Variants in COL4A5 observed in about 807,000 individuals in gnomAD.
The protein encoded by COL4A5 is collagen type IV alpha 5 chain.
COL4A5 carries 26 observed loss-of-function variants against 130.2 expected under a neutral mutation model. The observed-to-expected ratio is 0.20, with a 90% CI of 0.15 to 0.28. COL4A5 has a LOEUF of 0.28. COL4A5 is among the 10% of genes least tolerant of loss of function. The pLI is 1.00. For missense variants in COL4A5, 1,131 were observed against 1,344.3 expected (o/e 0.84, Z 2.48); for synonymous variants, 496 against 439.6 (o/e 1.13, Z -1.60).
At chrX:108,462,027 C>T (rs2064659244) in intron 1 of COL4A5, among the ~76,000 whole-genome samples, 1 of 112,176 alleles carries the variant, frequency 8.9e-6, no homozygotes, top group African/African-American at 3.2e-5. Context: ...TAATTATGCT[C>T]TTTTTGGGTA....
At chrX:108,690,784 A>G (rs766599005) in intron 49 of COL4A5, among the ~76,000 whole-genome samples, 8 of 111,599 alleles carry the variant, frequency 7.2e-5, no homozygotes, top group African/African-American at 2.6e-4. Context: ...TAAAGATACA[A>G]TTACCGTTAG....
intron 2 of COL4A5, among the ~76,000 whole-genome samples, chrX:108,546,737 C>G (rs748306806): frequency 1.1e-3 from 118 of 111,877 alleles, no homozygotes; most frequent in African/African-American, 3.3e-3. Context: ...CCATCACTTT[C>G]AGGTACACCA....
At chrX:108,555,092 G>C (rs935824676) in intron 2 of COL4A5, among the ~76,000 whole-genome samples, 2 of 112,032 alleles carry the variant, frequency 1.8e-5, no homozygotes, top group Admixed American at 9.5e-5. Flanking sequence ...TTAACCAGTT[G>C]ACAATGTAAA....
intron 49 of COL4A5, among the ~76,000 whole-genome samples, chrX:108,691,016 T>A (rs755775832): frequency 9.0e-6 from 1 of 111,061 alleles, no homozygotes; most frequent in Non-Finnish European, 1.9e-5. Context: ...TGCAGCAACA[T>A]GGTTGGAACT....
intron 34 of COL4A5, 62 bp downstream of exon 34, chrX:108,624,396 TATGTGTTTGTC>T: frequency 1.2e-6 from 1 of 852,177 alleles, no homozygotes; most frequent in Non-Finnish European, 1.7e-6. Flanking sequence ...GATAAATAAT[TATGTGTTTGTC>T]ATGTTTGAAG....
At chrX:108,512,315 T>A (rs971118460) in intron 1 of COL4A5, among the ~76,000 whole-genome samples, 1 of 111,502 alleles carries the variant, frequency 9.0e-6, no homozygotes, top group African/African-American at 3.3e-5. Flanking sequence ...TTCTCCTATG[T>A]ACCACCTAAG....
At chrX:108,589,061 T>A (rs924149523) in intron 19 of COL4A5, among the ~76,000 whole-genome samples, 1 of 111,504 alleles carries the variant, frequency 9.0e-6, no homozygotes, top group Middle Eastern at 4.3e-3. Flanking sequence ...GCATATTAAG[T>A]CTAAATCAGT....
In COL4A5 at chrX:108,697,167, C is replaced by G. The variant is rs1283842152; in HGVS notation, c.*789C>G. 9.0e-6 allele frequency: 1 copy of G among 111,437 alleles called. No individual in the cohort carries two copies. Among genetic ancestry groups the G allele is most frequent in the Non-Finnish European group, 1.9e-5 (1 of 53,061 alleles). 9.2% of individuals were successfully genotyped at this position (111,437 alleles called of 1,213,427 possible). On this transcript the variant is annotated 3_prime_UTR_variant, in exon 53 of 53. Transcript: ENST00000328300. ...AGCAATTTGTCTTTTGCTATATTCT[C>G]CAAGATTATCTCTTAAGACCATATG... is the stretch of plus-strand genomic sequence containing the variant.
chrX:108,682,753 C>T (rs371034173), intron 47 of COL4A5, among the ~76,000 whole-genome samples: 14 of 111,131 alleles, frequency 1.3e-4, no homozygotes, highest in Non-Finnish European at 2.3e-4. Flanking sequence ...TTGTTTTTTT[C>T]TTGTAAATTT....
At chrX:108,444,244 T>A (rs1479674995) in intron 1 of COL4A5, among the ~76,000 whole-genome samples, 1 of 103,740 alleles carries the variant, frequency 9.6e-6, no homozygotes, top group African/African-American at 3.6e-5. Context: ...TGAGATGGAG[T>A]CTTGCTCTGT....
At chrX:108,658,569 A>G (rs1228534969) in intron 37 of COL4A5, among the ~76,000 whole-genome samples, 1 of 111,377 alleles carries the variant, frequency 9.0e-6, no homozygotes, top group Non-Finnish European at 1.9e-5. Flanking sequence ...TTTTTAAATT[A>G]CAGATTAAAA....
chrX:108,575,944 T>C lies in COL4A5; in HGVS notation c.581T>C (p.Ile194Thr), dbSNP rs1000330782. ...LPGPTGIPGP[I>T]GPPGPPGLMG... ...GGTCCCACTGGTATACCAGGGCCAA[T>C]TGGTCCCCCAGGACCACCAGGTTTG... is the stretch of plus-strand genomic sequence containing the variant. Residue 194 changes from isoleucine to threonine, a missense_variant, in exon 10 of 53, where the codon ATT (isoleucine) becomes ACT (threonine). Transcript: ENST00000328300. The C allele has an allele frequency of 3.4e-6, 4 of 1,192,705 alleles. No individual in the cohort carries two copies. Among genetic ancestry groups the C allele is most frequent in the African/African-American group, 3.5e-5 (2 of 56,694 alleles).
intron 1 of COL4A5, chrX:108,462,725 A>C (rs1472507831): frequency 1.8e-5 from 2 of 112,520 alleles, no homozygotes; most frequent in Non-Finnish European, 1.9e-5. Context: ...TCTTGTAATA[A>C]ATGTTTTAGG....
rs1349301766 is a variant in COL4A5, at chrX:108,697,475, T to C, written c.*1097T>C. ...TCACAGGATACCTTATTTCCCTAGC[T>C]ATCATCTCCTGACTTAATGTTTTTT... is the stretch of plus-strand genomic sequence containing the variant. On this transcript the variant is annotated 3_prime_UTR_variant, in exon 53 of 53. Coordinates refer to ENST00000328300, the MANE Select transcript of COL4A5 (RefSeq NM_033380.3). 1 of 111,226 alleles carries C rather than the reference T, an allele frequency of 9.0e-6. No homozygotes were observed. Among genetic ancestry groups the C allele is most frequent in the East Asian group, 2.8e-4 (1 of 3,584 alleles). 9.2% of individuals were successfully genotyped at this position (111,226 alleles called of 1,213,427 possible).
intron 2 of COL4A5, among the ~76,000 whole-genome samples, chrX:108,542,560 A>G (rs1224494362): frequency 3.6e-5 from 4 of 110,695 alleles, no homozygotes; most frequent in African/African-American, 1.3e-4. Flanking sequence ...TAGTGCCGCA[A>G]TAAATATACA....
intron 36 of COL4A5, among the ~76,000 whole-genome samples, chrX:108,642,291 C>A (rs1440220436): frequency 9.0e-6 from 1 of 110,590 alleles, no homozygotes; most frequent in African/African-American, 3.3e-5. Flanking sequence ...CCTGATGAGC[C>A]TTTCCTATCC....
intron 1 of COL4A5, among the ~76,000 whole-genome samples, chrX:108,455,996 G>A: frequency 9.0e-6 from 1 of 111,573 alleles, no homozygotes; most frequent in Non-Finnish European, 1.9e-5. Flanking sequence ...GCCAAATTTT[G>A]CTTAAAAACC....
At chrX:108,533,202 A>G (rs975733230) in intron 1 of COL4A5, among the ~76,000 whole-genome samples, 1 of 111,788 alleles carries the variant, frequency 8.9e-6, no homozygotes, top group Non-Finnish European at 1.9e-5. Context: ...ATGGAACAGA[A>G]TAGAGAACCC....
At chrX:108,551,766 T>C (rs1484370721) in intron 2 of COL4A5, among the ~76,000 whole-genome samples, 2 of 112,023 alleles carry the variant, frequency 1.8e-5, no homozygotes, top group Admixed American at 9.5e-5. Flanking sequence ...TGCACTCATA[T>C]GTTCATCACA....
Sources: gnomAD v4.1 joint callset for allele counts (sites outside exome capture counted in the v4.1 genomes callset) on GRCh38, gnomAD v4.1.1 for gene constraint, MANE v1.5 for transcripts, NCBI Gene and HGNC (gene_info 2026-07-23, HGNC 2026-07-21) for gene names.